IQSEC3: variants seen among roughly 807,000 people sequenced by gnomAD.
The protein encoded by IQSEC3 is IQ motif and SEC7 domain-containing protein 3.
A neutral mutation model predicts 105.4 loss-of-function variants in IQSEC3; 50 were observed. The observed-to-expected ratio is 0.47, with a 90% confidence interval of 0.38 to 0.60. The LOEUF (loss-of-function observed/expected upper bound fraction) is 0.60. IQSEC3 is among the 20% of genes least tolerant of loss of function. The pLI is 0.00. For missense variants in IQSEC3, 1,415 were observed against 1,630.0 expected (o/e 0.87, Z 2.27); for synonymous variants, 708 against 746.0 (o/e 0.95, Z 0.83).
In IQSEC3 at chr12:165,875, C is replaced by A; in HGVS notation, c.2956C>A (p.Gln986Lys). The stretch of plus-strand genomic sequence containing the variant: ...CATTGCTGAGGTGACGGAGCTGGAG[C>A]AGATCCGAATAGAGTGTAAGGACAC... ...ESIAEVTELE[Q>K]IRIEWELEKQ... is the part of the protein sequence containing the mutation. Residue 986 changes from glutamine to lysine, a missense_variant, in exon 11 of 14, where the codon CAG becomes AAG. Physicochemically the swap from Gln to Lys is moderately conservative, Grantham distance 53. Coordinates refer to ENST00000538872, the MANE Select transcript of IQSEC3 (RefSeq NM_001170738.2). 1 of 1,614,026 alleles carries A rather than the reference C, an allele frequency of 6.2e-7. No homozygotes were observed. Among genetic ancestry groups the A allele is most frequent in the Non-Finnish European group, 8.5e-7 (1 of 1,180,006 alleles).
intron 6 of IQSEC3, among the ~76,000 whole-genome samples, 173 bp downstream of exon 6, chr12:157,320 G>C (rs551731657): frequency 1.3e-5 from 2 of 152,282 alleles, no homozygotes; most frequent in East Asian, 1.9e-4. Flanking sequence ...GGGAAGAAAA[G>C]GGACCGACCC....
At position 138,828 on chromosome 12, in the gene IQSEC3, A is replaced by G. The variant is rs565042085; in HGVS notation, c.1465A>G (p.Thr489Ala). The change falls in exon 4 of 14, where the codon ACG (threonine) becomes GCG (alanine). Residue 489 changes from threonine (T) to alanine (A), a missense_variant. By Grantham distance (58) the Thr-to-Ala change is moderately conservative (BLOSUM62 0). Around this residue, in one of 6 missense-constraint regions of IQSEC3, gnomAD observed 720 missense variants for 633.0 expected, o/e 1.14. Coordinates refer to ENST00000538872, the MANE Select transcript of IQSEC3 (RefSeq NM_001170738.2). This position sits in a 1 kb window ranked among gnomAD's most constrained non-coding sequence, Gnocchi z 7.1. ...GTLMMAFRDV[T>A]VQIANQNISV... ...CCTCATGATGGCTTTCCGGGACGTC[A>G]CGGTGCAGATCGCCAACCAGAACAT... 1.2e-6 allele frequency: 2 copies of G among 1,611,576 alleles called. No individual in the cohort carries two copies. The highest frequency in any genetic ancestry group is 1.1e-5 in the South Asian group (1 of 90,890).
intron 5 of IQSEC3, among the ~76,000 whole-genome samples, chr12:156,163 C>G (rs1043968515): frequency 6.6e-6 from 1 of 152,108 alleles, no homozygotes; most frequent in Non-Finnish European, 1.5e-5. Context: ...TGACCCCACA[C>G]CCCCACCCAC....
intron 3 of IQSEC3, among the ~76,000 whole-genome samples, chr12:129,571 G>C (rs749866532): frequency 1.3e-5 from 2 of 151,652 alleles, no homozygotes; most frequent in African/African-American, 2.4e-5. Context: ...AGGCCAAGGA[G>C]TGAGCATGCA....
At chr12:156,716 C>T (rs1366991531) in intron 5 of IQSEC3, among the ~76,000 whole-genome samples, 1 of 152,146 alleles carries the variant, frequency 6.6e-6, no homozygotes. Flanking sequence ...GAAAGCTTTG[C>T]TTGGGGTACT....
At chr12:162,603 T>C (rs1866944388) in intron 8 of IQSEC3, among the ~76,000 whole-genome samples, 1 of 152,228 alleles carries the variant, frequency 6.6e-6, no homozygotes, top group Admixed American at 6.5e-5. Flanking sequence ...CCTCCTCATA[T>C]TCTTGCCTCA....
rs372928257 is a variant in IQSEC3 at position 125,767 on chromosome 12, C to G, written c.758C>G (p.Pro253Arg). 6.6e-7 allele frequency: 1 copy of G among 1,512,702 alleles called. No homozygotes were observed. Among genetic ancestry groups the G allele is most frequent in the African/African-American group, 1.4e-5 (1 of 71,828 alleles). The allele number at this position is 1,512,702 out of a possible 1,614,324, so 93.7% of individuals were successfully genotyped here. A position where few individuals can be genotyped will look rare whatever the true frequency, so the allele number is the denominator to read the frequency against. The change falls in exon 3 of 14, where the codon CCG (proline) becomes CGG (arginine). Residue 253 changes from proline to arginine, a missense_variant. This residue lies in a region of IQSEC3 where 720 missense variants were observed against 633.0 expected (regional missense o/e 1.14). Transcript: ENST00000538872. ...AQELQEEEER[P>R]GAGAASPRAG... is the part of the protein sequence containing the mutation. ...GAGCTGCAGGAGGAGGAGGAGCGGC[C>G]GGGGGCAGGGGCTGCCTCCCCAAGG... is the stretch of plus-strand genomic sequence containing the variant.
Position 103,410 on chromosome 12 carries a change from G to C in IQSEC3, c.623+4196G>C, listed in dbSNP as rs189435515. Among the ~76,000 whole-genome samples, 15 of 127,564 alleles carry C rather than the reference G, an allele frequency of 1.2e-4. No individual in the cohort carries two copies. In the East Asian group the frequency reaches 2.8e-3, roughly 24 times the overall value. 83.7% of individuals were successfully genotyped at this position (127,564 alleles called of 152,430 possible). On this transcript the variant is annotated intron_variant, in intron 2 of 13. Coordinates refer to ENST00000538872, the MANE Select transcript of IQSEC3 (RefSeq NM_001170738.2). ...GAGGCAGGGCTCAGAAGACGAAGTG[G>C]GGCTCAAGATGGAGAAGGTTGGCTC...
intron 2 of IQSEC3, among the ~76,000 whole-genome samples, chr12:116,738 CGAGGCTCCCACGAGGCTCCT>C (rs1209208787): frequency 5.9e-5 from 9 of 151,826 alleles, no homozygotes; most frequent in Non-Finnish European, 7.4e-5. Context: ...GAGGCTCCCA[CGAGGCTCCCACGAGGCTCCT>C]GAGGCTCCCA....
At chr12:127,525 C>T (rs1198990315) in intron 3 of IQSEC3, among the ~76,000 whole-genome samples, 1 of 150,680 alleles carries the variant, frequency 6.6e-6, no homozygotes, top group African/African-American at 2.4e-5. Flanking sequence ...CAAAACAAAA[C>T]AAAACAAAAC....
Position 163,499 on chromosome 12 carries a change from G to A in IQSEC3, c.2589G>A (p.Leu863=). 1 of 1,608,044 alleles carries A rather than the reference G, an allele frequency of 6.2e-7. No individual in the cohort carries two copies. Among genetic ancestry groups the A allele is most frequent in the South Asian group, 1.1e-5 (1 of 90,778 alleles). The change falls in exon 9 of 14, where the codon CTG becomes CTA. Residue 863 remains leucine, a synonymous_variant. Transcript: ENST00000538872. ...EKSIVGMKTV[L]SVPHRRLVCC... ...AGCGCCCTGCCCGCGTGCAGGTGCT[G>A]TCCGTGCCCCACCGCCGCCTGGTGT... is the stretch of plus-strand genomic sequence containing the variant.
Position 138,788 on chromosome 12 carries a change from G to T in IQSEC3, c.1425G>T (p.Pro475=). 6.2e-7 allele frequency: 1 copy of T among 1,602,126 alleles called. No homozygotes were observed. Among genetic ancestry groups the T allele is most frequent in the South Asian group, 1.1e-5 (1 of 90,104 alleles). The part of the protein sequence containing the change: ...DDAAETPGLP[P]AHSGTLMMAF... ...CCGCGGAGACCCCCGGCCTGCCCCCGGCCCACAGCGGGACCCTCATGATGG... is the reference window on the plus strand; with the variant it reads ...CCGCGGAGACCCCCGGCCTGCCCCCTGCCCACAGCGGGACCCTCATGATGG... The change falls in exon 4 of 14, where the codon CCG becomes CCT. Residue 475 remains proline, a synonymous_variant. Coordinates refer to ENST00000538872, the MANE Select transcript of IQSEC3 (RefSeq NM_001170738.2). This position sits in a 1 kb window ranked among gnomAD's most constrained non-coding sequence, Gnocchi z 7.1.
chr12:84,550 A>T (rs1296563562), intron 1 of IQSEC3, among the ~76,000 whole-genome samples: 4 of 152,088 alleles, frequency 2.6e-5, no homozygotes, highest in Non-Finnish European at 5.9e-5. Flanking sequence ...GGCGTTTAGG[A>T]CCTATGTGCA....
chr12:92,751 T>C (rs1864129142), intron 1 of IQSEC3, among the ~76,000 whole-genome samples: 1 of 152,200 alleles, frequency 6.6e-6, no homozygotes, highest in South Asian at 2.1e-4. Context: ...AGATGCTGCA[T>C]GCCACCATCT....
intron 13 of IQSEC3, among the ~76,000 whole-genome samples, chr12:172,856 C>G (rs1939078587): frequency 6.6e-6 from 1 of 152,258 alleles, no homozygotes; most frequent in African/African-American, 2.4e-5. Context: ...TGCGGTGGGG[C>G]CAGGGATGCA....
intron 13 of IQSEC3, 113 bp from the exon 14 acceptor site, chr12:174,486 A>G (rs1232519270): frequency 4.1e-6 from 4 of 978,986 alleles, no homozygotes; most frequent in Non-Finnish European, 5.8e-6. Context: ...CGAGAGGGTC[A>G]GAGTGAGGGC....
At chr12:78,929 C>G (rs1480029655) in intron 1 of IQSEC3, among the ~76,000 whole-genome samples, 2 of 152,124 alleles carry the variant, frequency 1.3e-5, no homozygotes, top group African/African-American at 2.4e-5. Flanking sequence ...ACCCTGACCC[C>G]GGCATCTTCT....
intron 5 of IQSEC3, among the ~76,000 whole-genome samples, chr12:150,511 T>G (rs1282581781): frequency 6.6e-6 from 1 of 151,956 alleles, no homozygotes; most frequent in Admixed American, 6.6e-5. Flanking sequence ...GCAGCTGCAA[T>G]GGATGAGGGG....
At position 138,771 on chromosome 12, in the gene IQSEC3, AC is replaced by A; in HGVS notation, c.1413del (p.Gly472AlafsTer11). ...GPGPGDDAAE[T>X]PGLPPAHSGT... ...CGGGCCCGGGGATGACGCCGCGGAGACCCCCGGCCTGCCCCCGGCCCACAGC... is the reference window on the plus strand; with the variant it reads ...CGGGCCCGGGGATGACGCCGCGGAGACCCCGGCCTGCCCCCGGCCCACAGC... On this transcript the variant is annotated frameshift_variant, in exon 4 of 14. Transcript: ENST00000538872. LOFTEE classifies it high-confidence loss of function. This position sits in a 1 kb window ranked among gnomAD's most constrained non-coding sequence, Gnocchi z 7.1. 2 of 1,580,320 alleles carry A rather than the reference AC, an allele frequency of 1.3e-6. No individual in the cohort carries two copies. Among genetic ancestry groups the A allele is most frequent in the African/African-American group, 1.4e-5 (1 of 72,070 alleles).
Sources: gnomAD v4.1 joint callset for allele counts (sites outside exome capture counted in the v4.1 genomes callset) on GRCh38, gnomAD v4.1.1 for gene constraint, gnomAD v4.1.1 regional missense constraint, Gnocchi (gnomAD v3.1) non-coding constraint, MANE v1.5 for transcripts, NCBI Gene and HGNC (gene_info 2026-07-23, HGNC 2026-07-21) for gene names.